SCHIP1: variants seen among roughly 807,000 people sequenced by gnomAD.
SCHIP1 encodes schwannomin-interacting protein 1.
SCHIP1 carries 8 observed loss-of-function variants against 29.7 expected under a neutral mutation model. That is an observed-to-expected ratio of 0.27 (90% CI 0.16 to 0.49). The LOEUF (loss-of-function observed/expected upper bound fraction) is 0.49. Ranked by LOEUF, SCHIP1 falls within the 20% of genes least tolerant of loss-of-function variation. The probability of loss-of-function intolerance (pLI) is 0.99; values close to 1 mark genes in which losing one functional copy is unlikely to be tolerated. For missense variants in SCHIP1, 193 were observed against 294.6 expected (o/e 0.66, Z 2.52); for synonymous variants, 76 against 94.9 (o/e 0.80, Z 1.16).
At chr3:159,428,491 A>G in the SCHIP1 span, among the ~76,000 whole-genome samples, 1 of 152,234 alleles carries the variant, frequency 6.6e-6, no homozygotes, top group African/African-American at 2.4e-5. Flanking sequence ...CAAAACCACA[A>G]TGAGATACCA....
the SCHIP1 span, among the ~76,000 whole-genome samples, chr3:159,354,800 T>C: frequency 0.015 from 2,219 of 152,336 alleles, 28 homozygotes; most frequent in Non-Finnish European, 0.021. Flanking sequence ...ACATAGCATT[T>C]GTTTCACATC....
At chr3:159,827,401 AAC>A in the SCHIP1 span, among the ~76,000 whole-genome samples, 1 of 152,336 alleles carries the variant, frequency 6.6e-6, no homozygotes, top group South Asian at 2.1e-4. Context: ...AGATGATGTT[AAC>A]AGTTTAGTCA....
the SCHIP1 span, among the ~76,000 whole-genome samples, chr3:159,581,739 G>T: frequency 6.6e-6 from 1 of 152,132 alleles, no homozygotes; most frequent in African/African-American, 2.4e-5. Context: ...TACAAGTAAA[G>T]TCTACCTGAT....
the SCHIP1 span, among the ~76,000 whole-genome samples, chr3:159,807,904 C>T: frequency 6.6e-6 from 1 of 152,154 alleles, no homozygotes; most frequent in Non-Finnish European, 1.5e-5. Flanking sequence ...AAATTGAGGC[C>T]TAGCTAAGTT....
chr3:159,771,234 A>G, the SCHIP1 span, among the ~76,000 whole-genome samples: 1 of 152,234 alleles, frequency 6.6e-6, no homozygotes, highest in Non-Finnish European at 1.5e-5. Flanking sequence ...ACACTACTAA[A>G]GTAGCTTGAA....
chr3:159,467,776 T>C, the SCHIP1 span, among the ~76,000 whole-genome samples: 1 of 152,154 alleles, frequency 6.6e-6, no homozygotes, highest in Non-Finnish European at 1.5e-5. Flanking sequence ...AATTAATTGA[T>C]TTTCCAGCAC....
chr3:159,558,720 T>G, the SCHIP1 span, among the ~76,000 whole-genome samples: 2 of 152,166 alleles, frequency 1.3e-5, no homozygotes, highest in Non-Finnish European at 2.9e-5. Flanking sequence ...TCCAAGCTCC[T>G]TGACTCCACA....
chr3:159,338,084 C>T, the SCHIP1 span, among the ~76,000 whole-genome samples: 1 of 152,110 alleles, frequency 6.6e-6, no homozygotes, highest in African/African-American at 2.4e-5. Flanking sequence ...TCCCTTTGTG[C>T]CAGGAACTTT....
At chr3:159,788,850 T>C in the SCHIP1 span, among the ~76,000 whole-genome samples, 132,020 of 152,156 alleles carry the variant, frequency 0.87, 57,726 homozygotes, top group East Asian at 1. Flanking sequence ...ATAATTCACC[T>C]TACATATATA....
chr3:159,475,500 A>G, the SCHIP1 span, among the ~76,000 whole-genome samples: 1 of 152,136 alleles, frequency 6.6e-6, no homozygotes, highest in Admixed American at 6.6e-5. Context: ...GGAATTAGAT[A>G]GTGGTGATGG....
the SCHIP1 span, among the ~76,000 whole-genome samples, chr3:159,444,389 A>T: frequency 6.6e-6 from 1 of 152,272 alleles, no homozygotes; most frequent in South Asian, 2.1e-4. Flanking sequence ...ATTTGTATAC[A>T]CAAGAACCAT....
chr3:159,307,953 C>A, the SCHIP1 span, among the ~76,000 whole-genome samples: 2 of 152,004 alleles, frequency 1.3e-5, no homozygotes, highest in Non-Finnish European at 2.9e-5. Context: ...TGTACCAGTA[C>A]CAAGCTGTTT....
Position 159,842,810 on chromosome 3 carries a change from G to GA in SCHIP1, c.30+2599dup, listed in dbSNP as rs1314700108. ...CTAAAATATTGTTCACTGTTTATCTGAAATTCACATTCAACCAGGCATCTA... is the reference window on the plus strand; with the variant it reads ...CTAAAATATTGTTCACTGTTTATCTGAAAATTCACATTCAACCAGGCATCTA... On this transcript the variant is annotated intron_variant, in intron 1 of 6. Transcript: ENST00000445224. Among the ~76,000 whole-genome samples the GA allele has an allele frequency of 4.0e-5, 6 of 149,484 alleles. No individual in the cohort carries two copies. In the South Asian group the frequency reaches 1.3e-3, roughly 32 times the overall value.
At chr3:159,876,878 G>C (rs1020960114) in intron 2 of SCHIP1, among the ~76,000 whole-genome samples, 1 of 152,172 alleles carries the variant, frequency 6.6e-6, no homozygotes, top group African/African-American at 2.4e-5. Flanking sequence ...CACCTTCCAA[G>C]CCATCGTCCC....
At chr3:159,407,811 G>A in the SCHIP1 span, among the ~76,000 whole-genome samples, 4 of 152,068 alleles carry the variant, frequency 2.6e-5, no homozygotes, top group African/African-American at 9.7e-5. Context: ...AATTAAGAAG[G>A]AAATGGAAAA....
the SCHIP1 span, among the ~76,000 whole-genome samples, chr3:159,374,846 C>T: frequency 6.6e-6 from 1 of 152,168 alleles, no homozygotes; most frequent in Non-Finnish European, 1.5e-5. Context: ...CCATTAGCCA[C>T]ATGTGGCTAT....
chr3:159,706,405 C>T, the SCHIP1 span, among the ~76,000 whole-genome samples: 5 of 152,130 alleles, frequency 3.3e-5, no homozygotes, highest in Non-Finnish European at 7.3e-5. Context: ...CACTGGGCAG[C>T]GATCAAACTA....
the SCHIP1 span, among the ~76,000 whole-genome samples, chr3:159,353,239 C>A: frequency 3.3e-5 from 5 of 151,934 alleles, no homozygotes; most frequent in Non-Finnish European, 7.4e-5. Context: ...GTGCAGCACA[C>A]CAACATGGCA....
chr3:159,358,454 T>C, the SCHIP1 span, among the ~76,000 whole-genome samples: 18 of 152,312 alleles, frequency 1.2e-4, no homozygotes, highest in East Asian at 2.9e-3. Flanking sequence ...AGCATGAGCA[T>C]GAACTATAAC....
Sources: gnomAD v4.1 joint callset for allele counts (sites outside exome capture counted in the v4.1 genomes callset) on GRCh38, gnomAD v4.1.1 for gene constraint, MANE v1.5 for transcripts, NCBI Gene and HGNC (gene_info 2026-07-23, HGNC 2026-07-21) for gene names.